CD79B: variants seen among roughly 807,000 people sequenced by gnomAD.
The protein encoded by CD79B is CD79b molecule.
CD79B carries 7 observed loss-of-function variants against 30.0 expected under a neutral mutation model. The observed-to-expected ratio is 0.23, with a 90% CI of 0.13 to 0.44. The LOEUF is 0.44. Ranked by LOEUF, CD79B falls within the 20% of genes least tolerant of loss-of-function variation. CD79B has a pLI of 1.00. For missense variants in CD79B, 218 were observed against 299.1 expected (o/e 0.73, Z 2.00); for synonymous variants, 118 against 119.2 (o/e 0.99, Z 0.07).
chr17:63,929,581 G>T, intron 4 of CD79B, 106 bp from the exon 5 acceptor site: 1 of 1,225,036 alleles, frequency 8.2e-7, no homozygotes, highest in Non-Finnish European at 1.2e-6. Context: ...GGTCAGGAGT[G>T]AGGTGCATTC....
rs959964594 is a variant in CD79B at position 63,929,142 on chromosome 17, A to G, written c.*84T>C. 2 of 929,316 alleles carry G rather than the reference A, an allele frequency of 2.2e-6. No homozygotes were observed. The highest frequency in any genetic ancestry group is 3.6e-6 in the Non-Finnish European group (2 of 562,330). The allele number at this position is 929,316 out of a possible 1,614,324, so 57.6% of individuals were successfully genotyped here. A position where few individuals can be genotyped will look rare whatever the true frequency, so the allele number is the denominator to read the frequency against. ...AGAGGCCAGCTGGGGGGTCCAGGAAAGGGGTTGGGCCATGAGCCAGGCAGC... is the reference window on the plus strand; with the variant it reads ...AGAGGCCAGCTGGGGGGTCCAGGAAGGGGGTTGGGCCATGAGCCAGGCAGC... On this transcript the variant is annotated 3_prime_UTR_variant, in exon 6 of 6. Coordinates refer to ENST00000006750, the MANE Select transcript of CD79B (RefSeq NM_000626.4).
intron 4 of CD79B, 70 bp downstream of exon 4, chr17:63,929,700 C>T (rs1567809653): frequency 1.7e-6 from 2 of 1,151,578 alleles, no homozygotes; most frequent in Non-Finnish European, 2.6e-6. Context: ...AGATGGAGAC[C>T]CTGCATATGC....
At chr17:63,931,604 A>G (rs1474396320) in intron 1 of CD79B, among the ~76,000 whole-genome samples, 3 of 152,152 alleles carry the variant, frequency 2.0e-5, no homozygotes, top group Non-Finnish European at 2.9e-5. Context: ...TTTGACCCTC[A>G]TGGTGGCTTT....
intron 1 of CD79B, among the ~76,000 whole-genome samples, chr17:63,931,668 G>C (rs898732698): frequency 6.6e-6 from 1 of 152,176 alleles, no homozygotes; most frequent in African/African-American, 2.4e-5. Flanking sequence ...TATTTTGAGA[G>C]GCCAAGACAG....
chr17:63,932,140 C>T, intron 1 of CD79B, 55 bp downstream of exon 1: 3 of 1,493,722 alleles, frequency 2.0e-6, no homozygotes, highest in Middle Eastern at 1.7e-4. Flanking sequence ...AGCCGCAGGG[C>T]CCAGACAGCT....
rs766222517 is a variant in CD79B at position 63,929,120 on chromosome 17, G to T, written c.*106C>A. The T allele has an allele frequency of 6.3e-6, 5 of 798,422 alleles. No individual in the cohort carries two copies. Among genetic ancestry groups the T allele is most frequent in the East Asian group, 2.5e-5 (1 of 40,300 alleles). The allele number at this position is 798,422 out of a possible 1,614,324, so 49.5% of individuals were successfully genotyped here. ...GCAGCTCTGGTGGGCCAGCTTCAGA[G>T]GCCAGCTGGGGGGTCCAGGAAAGGG... On this transcript the variant is annotated 3_prime_UTR_variant, in exon 6 of 6. Transcript: ENST00000006750.
chr17:63,929,595 A>C, intron 4 of CD79B, 120 bp from the exon 5 acceptor site: 1 of 1,113,158 alleles, frequency 9.0e-7, no homozygotes, highest in Non-Finnish European at 1.4e-6. Context: ...TGCATTCTGC[A>C]AGAACAGCTG....
intron 1 of CD79B, 156 bp downstream of exon 1, chr17:63,932,039 C>T (rs2144761891): frequency 2.7e-6 from 2 of 735,186 alleles, no homozygotes; most frequent in African/African-American, 1.7e-5. Flanking sequence ...GTGCAGCTGA[C>T]ACCCACAGAC....
At chr17:63,929,940 G>C (rs1908013937) in intron 3 of CD79B, 52 bp from the exon 4 acceptor site, 1 of 1,536,638 alleles carries the variant, frequency 6.5e-7, no homozygotes. Context: ...CACCTTTTAG[G>C]CCTACAAGGG....
chr17:63,932,133 C>T (rs112187765), intron 1 of CD79B, 62 bp downstream of exon 1: 16 of 1,446,642 alleles, frequency 1.1e-5, no homozygotes, highest in Middle Eastern at 1.7e-4. Flanking sequence ...GAGGCAGAGC[C>T]GCAGGGCCCA....
intron 4 of CD79B, 51 bp from the exon 5 acceptor site, chr17:63,929,526 T>G (rs1907984812): frequency 6.3e-7 from 1 of 1,594,318 alleles, no homozygotes; most frequent in African/African-American, 1.3e-5. Context: ...CCCAGCCCCA[T>G]CCCCTGCTGG....
intron 1 of CD79B, chr17:63,931,784 G>A (rs1228347496): frequency 5.7e-6 from 2 of 350,990 alleles, no homozygotes; most frequent in Non-Finnish European, 1.1e-5. Context: ...GAAAGTCACA[G>A]CCCGGAGGAT....
rs1278780886 is a variant in CD79B at position 63,930,304 on chromosome 17, A to T, written c.200T>A (p.Met67Lys). Residue 67 changes from methionine to lysine, a missense_variant, in exon 3 of 6, where the codon ATG (methionine) becomes AAG (lysine). By Grantham distance (95) the Met-to-Lys change is moderately conservative. Transcript: ENST00000006750. ...RGFTVKMHCY[M>K]NSASGNVSWL... The stretch of plus-strand genomic sequence containing the variant: ...GCTCACATTGCCGGAGGCGCTGTTC[A>T]TGTAGCAGTGCATTTTCACCGTGAA... The T allele has an allele frequency of 6.2e-7, 1 of 1,613,982 alleles. No individual in the cohort carries two copies. The highest frequency in any genetic ancestry group is 8.5e-7 in the Non-Finnish European group (1 of 1,179,972).
At position 63,932,188 on chromosome 17, in the gene CD79B, T is replaced by C. The variant is rs1441000521; in HGVS notation, c.67+7A>G. 6.2e-7 allele frequency: 1 copy of C among 1,612,940 alleles called. No individual in the cohort carries two copies. Among genetic ancestry groups the C allele is most frequent in the South Asian group, 1.1e-5 (1 of 91,068 alleles). On this transcript the variant is annotated splice_region_variant and intron_variant, in intron 1 of 5. Transcript: ENST00000006750. ...AAACCCCACAGGCCTCGTCGTGGGT[T>C]CTGTACCTGAGAGCAGCAGCAGCAA...
At position 63,931,402 on chromosome 17, in the gene CD79B, A is replaced by T; in HGVS notation, c.68-17T>A. 1 of 1,612,848 alleles carries T rather than the reference A, an allele frequency of 6.2e-7. No homozygotes were observed. On this transcript the variant is annotated splice_polypyrimidine_tract_variant and intron_variant, in intron 1 of 5. Coordinates refer to ENST00000006750, the MANE Select transcript of CD79B (RefSeq NM_000626.4). ...CTGGCTCAGCTGCTGGGTGGGAGGA[A>T]GTGGGCGGGGCCAGTCAGGGCCTCC...
Position 63,929,440 on chromosome 17 carries a change from G to C in CD79B, c.585C>G (p.Thr195=), listed in dbSNP as rs1907978089. The change falls in exon 5 of 6, where the codon ACC becomes ACG. Residue 195 remains threonine, a synonymous_variant. Coordinates refer to ENST00000006750, the MANE Select transcript of CD79B (RefSeq NM_000626.4). ...GGCCTGCCCCTCTCCTTACCTCGTA[G>C]GTGTGATCTTCCTCCATGCCAGCCT... ...DSKAGMEEDH[T]YEGLDIDQTA... The C allele has an allele frequency of 6.2e-7, 1 of 1,613,982 alleles. No individual in the cohort carries two copies. The highest frequency in any genetic ancestry group is 8.5e-7 in the Non-Finnish European group (1 of 1,179,996).
Position 63,931,348 on chromosome 17 carries a change from G to A in CD79B, c.105C>T (p.Tyr35=), listed in dbSNP as rs1330860662. Reference sequence around the variant, plus strand: ...GAGGCTACTGACCTTTGGGATTCCGGTACCGGTCCTCCGATCTGGCTGCTG... The same window carrying A: ...GAGGCTACTGACCTTTGGGATTCCGATACCGGTCCTCCGATCTGGCTGCTG... ...PVPAARSEDR[Y]RNPKGSACSR... The change falls in exon 2 of 6, where the codon TAC becomes TAT. Residue 35 remains tyrosine, a synonymous_variant. Coordinates refer to ENST00000006750, the MANE Select transcript of CD79B (RefSeq NM_000626.4). The A allele has an allele frequency of 6.2e-7, 1 of 1,613,938 alleles. No individual in the cohort carries two copies. Among genetic ancestry groups the A allele is most frequent in the African/African-American group, 1.3e-5 (1 of 74,954 alleles).
chr17:63,932,177 T>A lies in CD79B; in HGVS notation c.67+18A>T. On this transcript the variant is annotated intron_variant, in intron 1 of 5. Transcript: ENST00000006750. ...GAGATGAGAGCAAACCCCACAGGCC[T>A]CGTCGTGGGTTCTGTACCTGAGAGC... 1 of 1,610,944 alleles carries A rather than the reference T, an allele frequency of 6.2e-7. No individual in the cohort carries two copies.
chr17:63,929,969 G>A (rs181296352), intron 3 of CD79B, 81 bp from the exon 4 acceptor site: 1 of 1,533,862 alleles, frequency 6.5e-7, no homozygotes, highest in East Asian at 2.2e-5. Flanking sequence ...TCAGGTCCCA[G>A]TGGCTCTCCT....
Sources: gnomAD v4.1 joint callset for allele counts (sites outside exome capture counted in the v4.1 genomes callset) on GRCh38, gnomAD v4.1.1 for gene constraint, MANE v1.5 for transcripts, NCBI Gene and HGNC (gene_info 2026-07-23, HGNC 2026-07-21) for gene names.